The following GOLM1 variants were observed in gnomAD, a reference collection of about 807,000 sequenced individuals.
The protein encoded by GOLM1 is golgi membrane protein 1, also known as epididymis luminal protein 46.
Under a neutral mutation model 50.5 loss-of-function variants are expected in GOLM1, and 31 were observed. The ratio of observed to expected loss-of-function variants is 0.61; its 90% CI spans 0.46 to 0.83. GOLM1 has a LOEUF of 0.83. GOLM1 is among the 40% of genes least tolerant of loss of function. GOLM1 has a pLI of 0.00. For synonymous variants in GOLM1, 178 were observed against 192.8 expected (o/e 0.92, Z 0.64); for missense variants, 491 against 501.3 (o/e 0.98, Z 0.20).
In GOLM1 at chr9:86,091,192, G is replaced by C. The variant is rs931579213; in HGVS notation, c.-22+8219C>G. 1.1e-4 allele frequency among the ~76,000 whole-genome samples: 14 copies of C among 131,144 alleles called. 1 individual carries two copies. Among genetic ancestry groups the C allele is most frequent in the Non-Finnish European group, 8.5e-5 (5 of 59,054 alleles). The allele number at this position is 131,144 out of a possible 152,430, so 86.0% of individuals were successfully genotyped here. Reference sequence around the variant, plus strand: ...TCGCTGGGAGCTGCGGACCAGAGCTGTTGCTATTTGGCCATCTTACCAGCC... The same window carrying C: ...TCGCTGGGAGCTGCGGACCAGAGCTCTTGCTATTTGGCCATCTTACCAGCC... On this transcript the variant is annotated intron_variant, in intron 1 of 9. Transcript: ENST00000388712.
intron 3 of GOLM1, among the ~76,000 whole-genome samples, chr9:86,055,401 A>G (rs191274612): frequency 6.6e-6 from 1 of 152,246 alleles, no homozygotes; most frequent in East Asian, 1.9e-4. Flanking sequence ...TGAAAAGCGA[A>G]AAGATTACCA....
At chr9:86,037,180 C>T (rs185451658) in intron 6 of GOLM1, among the ~76,000 whole-genome samples, 16 of 152,202 alleles carry the variant, frequency 1.1e-4, no homozygotes, top group Middle Eastern at 3.4e-3. Context: ...TTTGGGAGGC[C>T]GAGGCAGGCA....
At chr9:86,076,856 T>C (rs1587731418) in intron 3 of GOLM1, among the ~76,000 whole-genome samples, 2 of 140,500 alleles carry the variant, frequency 1.4e-5, no homozygotes, top group African/African-American at 2.7e-5. Flanking sequence ...AAACTCCATC[T>C]CAAAAAAAAA....
chr9:86,085,827 T>C (rs551261323), intron 1 of GOLM1, among the ~76,000 whole-genome samples: 1 of 152,236 alleles, frequency 6.6e-6, no homozygotes, highest in Non-Finnish European at 1.5e-5. Context: ...TATGGCTGCA[T>C]AGTATTCCAT....
intron 3 of GOLM1, among the ~76,000 whole-genome samples, chr9:86,052,968 TCCACACCAAA>T (rs1188350109): frequency 6.7e-6 from 1 of 150,314 alleles, no homozygotes; most frequent in African/African-American, 2.5e-5. Flanking sequence ...CACACAGCAC[TCCACACCAAA>T]CCACACCACG....
Position 86,077,418 on chromosome 9 carries a change from G to A in GOLM1, c.303C>T (p.Asp101=), listed in dbSNP as rs139055170. The A allele has an allele frequency of 4.0e-5, 65 of 1,613,644 alleles. No individual in the cohort carries two copies. In the African/African-American group the frequency reaches 6.7e-4, roughly 17 times the overall value. ...QLESVNKLYQ[D]EKAVLVNNIT... ...GAAACAAAGCAGGCCTTGCCTTTTC[G>A]TCCTGGTACAGCTTGTTGACGCTCT... Residue 101 remains aspartate (D), a synonymous_variant, in exon 3 of 10, where the codon GAC becomes GAT. Transcript: ENST00000388712.
At chr9:86,070,502 C>T (rs1015498120) in intron 3 of GOLM1, among the ~76,000 whole-genome samples, 8 of 151,106 alleles carry the variant, frequency 5.3e-5, no homozygotes, top group Non-Finnish European at 1.0e-4. Context: ...ACCCAGGAGG[C>T]GGAGGTTGCA....
At position 86,073,115 on chromosome 9, in the gene GOLM1, AC is replaced by A. The variant is rs1262662391; in HGVS notation, c.309+4296del. ...TAAAAAGGAAACTGAAAAAAAGATA[AC>A]CTTGACAATGCATTTTTATTTTTAA... On this transcript the variant is annotated intron_variant, in intron 3 of 9. Coordinates refer to ENST00000388712, the MANE Select transcript of GOLM1 (RefSeq NM_016548.4). Among the ~76,000 whole-genome samples, 3 of 152,292 alleles carry A rather than the reference AC, an allele frequency of 2.0e-5. No individual in the cohort carries two copies. The East Asian group carries it at 5.8e-4, about 29-fold the overall frequency.
intron 4 of GOLM1, among the ~76,000 whole-genome samples, chr9:86,047,094 C>A (rs1383451227): frequency 6.6e-6 from 1 of 152,220 alleles, no homozygotes; most frequent in Non-Finnish European, 1.5e-5. Context: ...CCAAGCCACT[C>A]TCCAAGGCCC....
Position 86,077,420 on chromosome 9 carries a change from C to A in GOLM1, c.301G>T (p.Asp101Tyr), listed in dbSNP as rs1387554723. The A allele has an allele frequency of 6.2e-7, 1 of 1,613,816 alleles. No individual in the cohort carries two copies. Among genetic ancestry groups the A allele is most frequent in the Non-Finnish European group, 8.5e-7 (1 of 1,179,772 alleles). The change falls in exon 3 of 10, where the codon GAC (aspartate) becomes TAC (tyrosine). Residue 101 changes from aspartate to tyrosine, a missense_variant. Asp to Tyr is a radical substitution (Grantham distance 160). Transcript: ENST00000388712. ...QLESVNKLYQ[D>Y]EKAVLVNNIT... ...AACAAAGCAGGCCTTGCCTTTTCGT[C>A]CTGGTACAGCTTGTTGACGCTCTCC...
Position 86,034,746 on chromosome 9 carries a change from C to T in GOLM1, c.1015+622G>A, listed in dbSNP as rs185540154. ...TTCTGTGACTTGGTCCACCCCAGAG[C>T]GCAGGTGTCATGTCCTCAGAAGTGT... is the stretch of plus-strand genomic sequence containing the variant. On this transcript the variant is annotated intron_variant, in intron 8 of 9. Coordinates refer to ENST00000388712, the MANE Select transcript of GOLM1 (RefSeq NM_016548.4). Among the ~76,000 whole-genome samples, 317 of 152,266 alleles carry T rather than the reference C, an allele frequency of 2.1e-3. 4 individuals are homozygous for T. The highest frequency in any genetic ancestry group is 0.016 in the Admixed American group (249 of 15,298).
intron 1 of GOLM1, among the ~76,000 whole-genome samples, chr9:86,086,847 T>C (rs927720430): frequency 6.6e-6 from 1 of 152,210 alleles, no homozygotes; most frequent in African/African-American, 2.4e-5. Context: ...GCTGTTTTGG[T>C]TACTGTAGCC....
intron 6 of GOLM1, among the ~76,000 whole-genome samples, chr9:86,039,074 T>C (rs765460979): frequency 6.6e-6 from 1 of 152,156 alleles, no homozygotes; most frequent in Non-Finnish European, 1.5e-5. Context: ...TTTAATAAAA[T>C]AGATTTTAAA....
chr9:86,082,189 T>C (rs1405167056), intron 1 of GOLM1, among the ~76,000 whole-genome samples: 6 of 150,888 alleles, frequency 4.0e-5, no homozygotes, highest in South Asian at 4.2e-4. Context: ...CCACCACACC[T>C]GGCTAATTTT....
intron 9 of GOLM1, 95 bp downstream of exon 9, chr9:86,033,187 A>G (rs902086278): frequency 1.4e-6 from 1 of 720,370 alleles, no homozygotes; most frequent in African/African-American, 1.8e-5. Context: ...CATTAATTAC[A>G]ATATAATTTT....
intron 3 of GOLM1, among the ~76,000 whole-genome samples, chr9:86,056,492 T>C (rs1450557751): frequency 1.4e-5 from 2 of 146,728 alleles, no homozygotes; most frequent in African/African-American, 5.1e-5. Flanking sequence ...TTTTTATTTA[T>C]TTTTTATTTA....
chr9:86,070,257 T>C (rs1834409583), intron 3 of GOLM1, among the ~76,000 whole-genome samples: 1 of 152,174 alleles, frequency 6.6e-6, no homozygotes, highest in Non-Finnish European at 1.5e-5. Context: ...TCTCCTTTCA[T>C]GTAACTCCAC....
At chr9:86,096,394 C>A (rs1393453234) in intron 1 of GOLM1, among the ~76,000 whole-genome samples, 1 of 152,158 alleles carries the variant, frequency 6.6e-6, no homozygotes, top group Non-Finnish European at 1.5e-5. Context: ...GTATCTGGTC[C>A]TTTTCAGAAA....
At position 86,040,947 on chromosome 9, in the gene GOLM1, G is replaced by A. The variant is rs913511068; in HGVS notation, c.468-79C>T. The A allele has an allele frequency of 4.3e-6, 6 of 1,399,898 alleles. No homozygotes were observed. The African/African-American group carries it at 5.7e-5, about 13-fold the overall frequency. 86.7% of individuals were successfully genotyped at this position (1,399,898 alleles called of 1,614,324 possible). On this transcript the variant is annotated intron_variant, in intron 5 of 9. Transcript: ENST00000388712. ...TGGACGGTGACATCCACTTCCATAA[G>A]AGACACAGACCCTCTTCCTGCTTCA...
Sources: gnomAD v4.1 joint callset for allele counts (sites outside exome capture counted in the v4.1 genomes callset) on GRCh38, gnomAD v4.1.1 for gene constraint, MANE v1.5 for transcripts, NCBI Gene and HGNC (gene_info 2026-07-23, HGNC 2026-07-21) for gene names.